GLT1D1: variants seen among roughly 807,000 people sequenced by gnomAD.
GLT1D1 encodes the protein glycosyltransferase 1 domain-containing protein 1.
A neutral mutation model predicts 28.7 loss-of-function variants in GLT1D1; 21 were observed. The ratio of observed to expected loss-of-function variants is 0.73; its 90% CI spans 0.52 to 1.05. The LOEUF is 1.05. Among genes scored for constraint, GLT1D1 ranks in the 50% least tolerant of loss-of-function variants. The pLI is 0.00. For synonymous variants in GLT1D1, 147 were observed against 124.8 expected (o/e 1.18, Z -1.19); for missense variants, 343 against 330.6 (o/e 1.04, Z -0.29).
rs762349285 is a variant in GLT1D1 at position 128,982,926 on chromosome 12, C to A, written c.640-3C>A. 2 of 1,609,314 alleles carry A rather than the reference C, an allele frequency of 1.2e-6. No homozygotes were observed. Among genetic ancestry groups the A allele is most frequent in the Non-Finnish European group, 8.5e-7 (1 of 1,178,426 alleles). On this transcript the variant is annotated splice_polypyrimidine_tract_variant and splice_region_variant and intron_variant, in intron 7 of 7. Transcript: ENST00000281703. The stretch of plus-strand genomic sequence containing the variant: ...ATGTCTACTTCTCCTTCCTTTTTTG[C>A]AGGAGTTTGTTCATCTGGCAAAGAG...
intron 4 of GLT1D1, among the ~76,000 whole-genome samples, chr12:128,937,193 A>G (rs1874650680): frequency 6.6e-6 from 1 of 152,252 alleles, no homozygotes; most frequent in African/African-American, 2.4e-5. Flanking sequence ...AGAGCCCAAA[A>G]AAGGCTTTCA....
intron 4 of GLT1D1, among the ~76,000 whole-genome samples, chr12:128,931,909 A>ACACG (rs1555270721): frequency 0.19 from 22,346 of 118,500 alleles, 1,960 homozygotes; most frequent in African/African-American, 0.33. Context: ...ATGTGCACAC[A>ACACG]CACGCACGCA....
intron 4 of GLT1D1, among the ~76,000 whole-genome samples, chr12:128,910,139 T>G (rs1396629842): frequency 2.0e-5 from 3 of 152,212 alleles, no homozygotes; most frequent in Admixed American, 6.5e-5. Flanking sequence ...ATACCATTTA[T>G]GCAACGCTTT....
At chr12:128,912,329 C>T (rs1051111943) in intron 4 of GLT1D1, 95 bp from the exon 5 acceptor site, 12 of 741,246 alleles carry the variant, frequency 1.6e-5, no homozygotes, top group Non-Finnish European at 2.4e-5. Flanking sequence ...TCCAGGACGG[C>T]TTTTTTTGTT....
rs1566090335 is a variant in GLT1D1, at chr12:128,873,880, TTC to T, written c.69-2033_69-2032del. On this transcript the variant is annotated intron_variant, in intron 1 of 7. Transcript: ENST00000281703. ...CCTCCCTCCCTCCCTCCTTCCTTCC[TTC>T]CTCTCTCTTGCTCCCTTTCTCTTTC... 5.5e-3 allele frequency among the ~76,000 whole-genome samples: 682 copies of T among 124,878 alleles called. 5 individuals carry two copies. The highest frequency in any genetic ancestry group is 0.019 in the African/African-American group (642 of 34,268). 81.9% of individuals were successfully genotyped at this position (124,878 alleles called of 152,430 possible).
intron 4 of GLT1D1, among the ~76,000 whole-genome samples, chr12:128,937,823 T>A (rs1173530468): frequency 6.6e-6 from 1 of 152,144 alleles, no homozygotes; most frequent in African/African-American, 2.4e-5. Flanking sequence ...CGTGTTTGCT[T>A]CCCTTCCACC....
intron 6 of GLT1D1, among the ~76,000 whole-genome samples, chr12:128,956,107 C>T (rs750300142): frequency 4.4e-5 from 6 of 136,420 alleles, no homozygotes; most frequent in East Asian, 4.5e-4. Flanking sequence ...TACAGTGAGC[C>T]GAGATCGCGC....
intron 7 of GLT1D1, among the ~76,000 whole-genome samples, chr12:128,971,468 CTG>C (rs1879063752): frequency 1.0e-5 from 1 of 97,336 alleles, no homozygotes; most frequent in East Asian, 4.7e-4. Context: ...ATCCCTCCCT[CTG>C]CCTCCCTCCC....
intron 4 of GLT1D1, among the ~76,000 whole-genome samples, chr12:128,932,157 C>T (rs1004098431): frequency 6.6e-6 from 1 of 152,276 alleles, no homozygotes; most frequent in Non-Finnish European, 1.5e-5. Flanking sequence ...TGGAAAGCCC[C>T]GTCTGGGGAA....
rs886943593 is a variant in GLT1D1 at position 128,909,174 on chromosome 12, A to AT, written c.375+9895dup. The stretch of plus-strand genomic sequence containing the variant: ...TGTTGTGAAGTGTTAGTGTCTGGAC[A>AT]TTTTTTTTCTATGAAAAATGATTAA... On this transcript the variant is annotated intron_variant, in intron 4 of 7. Coordinates refer to ENST00000281703, the MANE Select transcript of GLT1D1 (RefSeq NM_144669.3). 3.3e-4 allele frequency among the ~76,000 whole-genome samples: 50 copies of AT among 151,844 alleles called. 1 individual carries two copies. Among genetic ancestry groups the AT allele is most frequent in the African/African-American group, 1.0e-3 (42 of 41,304 alleles).
At chr12:128,945,894 A>C (rs1198157736) in intron 5 of GLT1D1, among the ~76,000 whole-genome samples, 1 of 152,158 alleles carries the variant, frequency 6.6e-6, no homozygotes, top group Non-Finnish European at 1.5e-5. Context: ...CATGGTAGCT[A>C]TAGAGCTGTG....
chr12:128,866,856 G>A (rs1956540601), intron 1 of GLT1D1, among the ~76,000 whole-genome samples: 1 of 151,240 alleles, frequency 6.6e-6, no homozygotes, highest in East Asian at 2.0e-4. Context: ...CCTGACCTCA[G>A]GTCATCCACC....
intron 4 of GLT1D1, among the ~76,000 whole-genome samples, chr12:128,943,396 T>C (rs1209874477): frequency 6.6e-6 from 1 of 152,078 alleles, no homozygotes; most frequent in Non-Finnish European, 1.5e-5. Flanking sequence ...AACTTGTTAT[T>C]TATCAGGGCG....
intron 2 of GLT1D1, among the ~76,000 whole-genome samples, chr12:128,886,769 T>A (rs1396561057): frequency 6.6e-6 from 1 of 151,904 alleles, no homozygotes; most frequent in Non-Finnish European, 1.5e-5. Flanking sequence ...TCCTGGGAAT[T>A]AGGATGTGGA....
At chr12:128,952,817 C>T (rs1876864358) in intron 6 of GLT1D1, among the ~76,000 whole-genome samples, 1 of 111,096 alleles carries the variant, frequency 9.0e-6, no homozygotes, top group Non-Finnish European at 1.7e-5. Context: ...CTTGCTCTGT[C>T]ACCCAGGCTG....
chr12:128,922,095 T>C (rs763598261), intron 4 of GLT1D1, among the ~76,000 whole-genome samples: 3 of 152,148 alleles, frequency 2.0e-5, no homozygotes, highest in East Asian at 1.9e-4. Context: ...TCTCAGTGTG[T>C]CACATATGGA....
At chr12:128,967,793 G>A (rs79242411) in intron 7 of GLT1D1, among the ~76,000 whole-genome samples, 4,211 of 152,270 alleles carry the variant, frequency 0.028, 188 homozygotes, top group African/African-American at 0.095. Flanking sequence ...GTGTTTTAAC[G>A]TAACATCTAT....
intron 4 of GLT1D1, among the ~76,000 whole-genome samples, chr12:128,901,637 A>G (rs932882100): frequency 2.7e-5 from 4 of 148,596 alleles, no homozygotes; most frequent in African/African-American, 7.5e-5. Flanking sequence ...GGGTTTCACC[A>G]TGTTGGCCAG....
intron 1 of GLT1D1, 65 bp downstream of exon 1, chr12:128,853,714 C>G: frequency 1.0e-6 from 1 of 989,742 alleles, no homozygotes; most frequent in South Asian, 4.6e-5. Flanking sequence ...GACGCGGGAC[C>G]CGGGGACGCG....
Sources: gnomAD v4.1 joint callset for allele counts (sites outside exome capture counted in the v4.1 genomes callset) on GRCh38, gnomAD v4.1.1 for gene constraint, MANE v1.5 for transcripts, NCBI Gene and HGNC (gene_info 2026-07-23, HGNC 2026-07-21) for gene names.